NDUFAF2: variants seen among roughly 807,000 people sequenced by gnomAD.
NDUFAF2 encodes the protein NADH:ubiquinone oxidoreductase complex assembly factor 2.
NDUFAF2 carries 13 observed loss-of-function variants against 22.8 expected under a neutral mutation model. The observed-to-expected ratio is 0.57, with a 90% CI of 0.37 to 0.91. NDUFAF2 has a LOEUF of 0.91. NDUFAF2 is among the 40% of genes least tolerant of loss of function. NDUFAF2 has a pLI of 0.01. For missense variants in NDUFAF2, 162 were observed against 195.2 expected (o/e 0.83, Z 1.01); for synonymous variants, 53 against 64.2 (o/e 0.83, Z 0.84).
At chr5:61,106,453 A>C (rs773671977) in intron 3 of NDUFAF2, among the ~76,000 whole-genome samples, 1 of 151,408 alleles carries the variant, frequency 6.6e-6, no homozygotes, top group African/African-American at 2.5e-5. Context: ...GGTTCTTGAG[A>C]TATTTTGATA....
intron 1 of NDUFAF2, among the ~76,000 whole-genome samples, chr5:60,951,228 G>A (rs903511115): frequency 2.0e-5 from 3 of 151,908 alleles, no homozygotes; most frequent in Non-Finnish European, 4.4e-5. Context: ...ACAGGGTTTC[G>A]CCATATTGGC....
chr5:61,100,501 A>G (rs1752692814), intron 3 of NDUFAF2, among the ~76,000 whole-genome samples: 1 of 150,230 alleles, frequency 6.7e-6, no homozygotes. Flanking sequence ...ACTATCAATC[A>G]CATTGTTCTT....
chr5:61,044,728 C>G (rs918242324), intron 1 of NDUFAF2, among the ~76,000 whole-genome samples: 22 of 152,044 alleles, frequency 1.4e-4, no homozygotes, highest in Admixed American at 3.9e-4. Context: ...ATTACTATAG[C>G]TTTGTAATAG....
chr5:60,987,594 T>C (rs1751099623), intron 1 of NDUFAF2, among the ~76,000 whole-genome samples: 1 of 152,170 alleles, frequency 6.6e-6, no homozygotes. Flanking sequence ...CATGATCAAG[T>C]AGGCTCTATC....
intron 3 of NDUFAF2, among the ~76,000 whole-genome samples, chr5:61,150,589 A>G (rs565403208): frequency 6.6e-6 from 1 of 152,292 alleles, no homozygotes; most frequent in Non-Finnish European, 1.5e-5. Flanking sequence ...ATATGCATGT[A>G]CCAACTGTAA....
At chr5:61,068,625 T>C (rs928677421) in intron 1 of NDUFAF2, among the ~76,000 whole-genome samples, 1 of 152,156 alleles carries the variant, frequency 6.6e-6, no homozygotes, top group Admixed American at 6.6e-5. Context: ...TATTTTTTTC[T>C]ACTTTTTGGT....
chr5:61,021,620 T>A (rs1751585287), intron 1 of NDUFAF2, among the ~76,000 whole-genome samples: 1 of 152,308 alleles, frequency 6.6e-6, no homozygotes, highest in East Asian at 1.9e-4. Flanking sequence ...TCATTTTCCT[T>A]CCCCCACCTT....
chr5:61,009,666 C>T (rs1210906298), intron 1 of NDUFAF2, among the ~76,000 whole-genome samples: 4 of 152,014 alleles, frequency 2.6e-5, no homozygotes, highest in Non-Finnish European at 5.9e-5. Context: ...GCTCTGTTCT[C>T]AGCTAATTAC....
intron 1 of NDUFAF2, among the ~76,000 whole-genome samples, chr5:60,972,677 G>A (rs896230238): frequency 6.6e-6 from 1 of 150,378 alleles, no homozygotes; most frequent in African/African-American, 2.4e-5. Flanking sequence ...TTGTGTACAG[G>A]TTATATTAGA....
intron 2 of NDUFAF2, among the ~76,000 whole-genome samples, chr5:61,095,728 T>C (rs886299723): frequency 4.6e-5 from 7 of 152,138 alleles, no homozygotes; most frequent in African/African-American, 1.7e-4. Context: ...GTTGCAAAGA[T>C]CCATGGGAGA....
intron 3 of NDUFAF2, among the ~76,000 whole-genome samples, chr5:61,135,204 AG>A (rs1353461251): frequency 1.3e-5 from 2 of 151,692 alleles, no homozygotes; most frequent in Admixed American, 6.6e-5. Context: ...ATGACAGTCC[AG>A]TAGCAATTAA....
intron 3 of NDUFAF2, among the ~76,000 whole-genome samples, chr5:61,118,375 A>G (rs1378247348): frequency 1.3e-5 from 2 of 152,280 alleles, no homozygotes; most frequent in East Asian, 1.9e-4. Context: ...GCCTTATATT[A>G]TAGTTTCTCT....
chr5:61,140,130 C>T (rs1393762869), intron 3 of NDUFAF2, among the ~76,000 whole-genome samples: 1 of 152,252 alleles, frequency 6.6e-6, no homozygotes, highest in Non-Finnish European at 1.5e-5. Context: ...CAGCAGGTAG[C>T]GTGGTCAAGC....
chr5:61,091,298 C>T lies in NDUFAF2; in HGVS notation c.218-7694C>T, dbSNP rs1752565984. 5.3e-5 allele frequency among the ~76,000 whole-genome samples: 8 copies of T among 152,256 alleles called. No homozygotes were observed. In the South Asian group the frequency reaches 1.7e-3, roughly 32 times the overall value. On this transcript the variant is annotated intron_variant, in intron 2 of 3. Transcript: ENST00000296597. ...CAATGGTTGAACCAATTTACACTCC[C>T]ACCAACAATGTATAGCATTCCTTTT... is the stretch of plus-strand genomic sequence containing the variant.
At chr5:60,963,489 ATT>A (rs1750717610) in intron 1 of NDUFAF2, among the ~76,000 whole-genome samples, 1 of 152,098 alleles carries the variant, frequency 6.6e-6, no homozygotes, top group African/African-American at 2.4e-5. Flanking sequence ...TGCATTTCCC[ATT>A]TGGATTATAG....
chr5:60,953,836 A>G (rs1238511733), intron 1 of NDUFAF2, among the ~76,000 whole-genome samples: 7 of 152,188 alleles, frequency 4.6e-5, no homozygotes, highest in African/African-American at 1.7e-4. Context: ...GCATGATTAC[A>G]TTGAATAACA....
intron 3 of NDUFAF2, among the ~76,000 whole-genome samples, chr5:61,126,487 T>G (rs1452320220): frequency 6.6e-6 from 1 of 152,028 alleles, no homozygotes; most frequent in Non-Finnish European, 1.5e-5. Flanking sequence ...AACATTTCAT[T>G]ATGTATGTGT....
At chr5:60,993,820 G>A (rs1046762731) in intron 1 of NDUFAF2, among the ~76,000 whole-genome samples, 7 of 152,176 alleles carry the variant, frequency 4.6e-5, no homozygotes, top group Non-Finnish European at 1.0e-4. Flanking sequence ...GCTGAGCCCA[G>A]GGCTTTTATG....
At chr5:61,079,386 T>C (rs1236525740) in intron 2 of NDUFAF2, among the ~76,000 whole-genome samples, 1 of 152,200 alleles carries the variant, frequency 6.6e-6, no homozygotes, top group Non-Finnish European at 1.5e-5. Context: ...TCTGCAATGG[T>C]CATTTACTAC....
Sources: allele counts gnomAD v4.1 joint callset (sites outside exome capture counted in the v4.1 genomes callset), GRCh38; gene constraint gnomAD v4.1.1; transcripts MANE v1.5; gene names NCBI Gene and HGNC (gene_info 2026-07-23, HGNC 2026-07-21).